The following LMBR1 variants were observed in gnomAD, a reference collection of about 807,000 sequenced individuals.
LMBR1 encodes limb development membrane protein 1.
LMBR1 carries 52 observed loss-of-function variants against 73.9 expected under a neutral mutation model. The ratio of observed to expected loss-of-function variants is 0.70; its 90% confidence interval spans 0.56 to 0.89. The LOEUF (loss-of-function observed/expected upper bound fraction) is 0.89. Ranked by LOEUF, LMBR1 falls within the 40% of genes least tolerant of loss-of-function variation. The pLI is 0.00. For synonymous variants in LMBR1, 215 were observed against 209.4 expected, an observed-to-expected ratio of 1.03 and a Z score of -0.23; for missense variants, 539 against 579.8, an observed-to-expected ratio of 0.93 and a Z score of 0.72.
At chr7:156,709,175 G>A (rs561854362) in intron 15 of LMBR1, among the ~76,000 whole-genome samples, 168 of 152,280 alleles carry the variant, frequency 1.1e-3, no homozygotes, top group Non-Finnish European at 1.9e-3. Flanking sequence ...TGGCCAACTT[G>A]GGGCAAGCTT....
intron 4 of LMBR1, among the ~76,000 whole-genome samples, chr7:156,825,542 C>T (rs1050561128): frequency 6.6e-6 from 1 of 151,994 alleles, no homozygotes; most frequent in Admixed American, 6.6e-5. Context: ...CAACTATGTA[C>T]TCACAAAAAT....
intron 1 of LMBR1, among the ~76,000 whole-genome samples, chr7:156,873,255 C>T (rs1036750187): frequency 1.3e-5 from 2 of 152,012 alleles, no homozygotes; most frequent in Admixed American, 1.3e-4. Context: ...CAGACCTTCG[C>T]GGTGAGTGTT....
intron 15 of LMBR1, among the ~76,000 whole-genome samples, chr7:156,714,565 A>G (rs1812788379): frequency 6.6e-6 from 1 of 152,248 alleles, no homozygotes; most frequent in South Asian, 2.1e-4. Flanking sequence ...TGTTACCTTA[A>G]GGAAACTGTA....
chr7:156,810,812 TG>T (rs1832960193), intron 4 of LMBR1, among the ~76,000 whole-genome samples: 1 of 152,010 alleles, frequency 6.6e-6, no homozygotes, highest in African/African-American at 2.4e-5. Context: ...TTGATTTTTT[TG>T]TTTTTTGTTT....
chr7:156,864,906 G>T (rs1798235689), intron 1 of LMBR1, among the ~76,000 whole-genome samples: 1 of 149,702 alleles, frequency 6.7e-6, no homozygotes. Flanking sequence ...TGAGGCAGGA[G>T]AACTGCTAGA....
chr7:156,786,056 C>T (rs532151614), intron 5 of LMBR1, among the ~76,000 whole-genome samples: 78 of 151,060 alleles, frequency 5.2e-4, no homozygotes, highest in African/African-American at 1.7e-3. Flanking sequence ...TAAATGGGAT[C>T]AAATCTATGG....
At chr7:156,883,516 G>A (rs1020404043) in intron 1 of LMBR1, among the ~76,000 whole-genome samples, 1 of 152,154 alleles carries the variant, frequency 6.6e-6, no homozygotes, top group East Asian at 1.9e-4. Context: ...GATATACAGG[G>A]ACAGCAGTGA....
intron 5 of LMBR1, among the ~76,000 whole-genome samples, chr7:156,791,832 A>G (rs1046054956): frequency 4.6e-5 from 7 of 152,310 alleles, no homozygotes; most frequent in Non-Finnish European, 1.0e-4. Context: ...TGCTTATGTT[A>G]CCTTTTATGC....
At chr7:156,707,664 G>A (rs1388756942) in intron 15 of LMBR1, among the ~76,000 whole-genome samples, 1 of 152,094 alleles carries the variant, frequency 6.6e-6, no homozygotes, top group East Asian at 1.9e-4. Flanking sequence ...GATAACTTCA[G>A]CATCCCTTCA....
intron 1 of LMBR1, among the ~76,000 whole-genome samples, chr7:156,875,947 C>T (rs75164814): frequency 2.5e-4 from 38 of 150,158 alleles, no homozygotes; most frequent in African/African-American, 6.1e-4. Context: ...ACCAATAGCA[C>T]GATGAATGGA....
intron 4 of LMBR1, among the ~76,000 whole-genome samples, chr7:156,805,576 TCTAA>T (rs1831892032): frequency 6.6e-6 from 1 of 152,228 alleles, no homozygotes; most frequent in African/African-American, 2.4e-5. Context: ...TGGTCAATCC[TCTAA>T]CTTTGTTATC....
At chr7:156,803,802 A>G (rs1831467924) in intron 4 of LMBR1, among the ~76,000 whole-genome samples, 2 of 152,028 alleles carry the variant, frequency 1.3e-5, no homozygotes, top group African/African-American at 4.8e-5. Flanking sequence ...ACCATGGAAT[A>G]CTATGCAGCC....
Position 156,725,801 on chromosome 7 carries a change from C to A in LMBR1, c.1030G>T (p.Gly344Cys), listed in dbSNP as rs866142641. 6.2e-7 allele frequency: 1 copy of A among 1,613,514 alleles called. No homozygotes were observed. Among genetic ancestry groups the A allele is most frequent in the Admixed American group, 1.7e-5 (1 of 59,932 alleles). Residue 344 changes from glycine to cysteine, a missense_variant, in exon 13 of 17, where the codon GGT (glycine) becomes TGT (cysteine). Physicochemically the swap from Gly to Cys is radical, Grantham distance 159. Transcript: ENST00000353442. Reference sequence around the variant, plus strand: ...ATTTCAAGCGCAGCTCCCACAAAACCAAACGTAGAAAGAGAGGCATTTCCT... The same window carrying A: ...ATTTCAAGCGCAGCTCCCACAAAACAAAACGTAGAAAGAGAGGCATTTCCT... ...GIGNASLSTFGFVGAALEIIL... is the reference protein window; with the variant it reads ...GIGNASLSTFCFVGAALEIIL...
At chr7:156,736,562 C>T (rs1307562619) in intron 9 of LMBR1, 3 of 456,926 alleles carry the variant, frequency 6.6e-6, no homozygotes, top group African/African-American at 2.0e-5. Context: ...GCTTGTTCTT[C>T]TGGCACTTGT....
chr7:156,831,223 G>A (rs1328123740), intron 3 of LMBR1, among the ~76,000 whole-genome samples: 6 of 150,630 alleles, frequency 4.0e-5, no homozygotes, highest in Middle Eastern at 3.5e-3. Context: ...AAAGCGCTAC[G>A]GTGGAGGAAA....
At chr7:156,712,625 A>G (rs866484414) in intron 15 of LMBR1, among the ~76,000 whole-genome samples, 3 of 152,232 alleles carry the variant, frequency 2.0e-5, no homozygotes, top group Non-Finnish European at 4.4e-5. Flanking sequence ...GCGCCAATCA[A>G]TGGACAACTG....
intron 15 of LMBR1, among the ~76,000 whole-genome samples, chr7:156,699,665 G>C (rs1423515132): frequency 6.6e-6 from 1 of 151,832 alleles, no homozygotes; most frequent in Non-Finnish European, 1.5e-5. Flanking sequence ...ATCTGACAAA[G>C]GGCTAATATC....
intron 12 of LMBR1, among the ~76,000 whole-genome samples, chr7:156,727,288 G>C (rs111869259): frequency 2.0e-5 from 3 of 152,040 alleles, no homozygotes; most frequent in Non-Finnish European, 4.4e-5. Flanking sequence ...CTCCTATGAC[G>C]TACAAGTCAT....
intron 1 of LMBR1, among the ~76,000 whole-genome samples, chr7:156,857,573 T>C (rs534854786): frequency 1.1e-4 from 16 of 152,358 alleles, no homozygotes; most frequent in Admixed American, 2.6e-4. Context: ...TAAGGGTACA[T>C]AGTTGAACTG....
Sources: allele counts gnomAD v4.1 joint callset (sites outside exome capture counted in the v4.1 genomes callset), GRCh38; gene constraint gnomAD v4.1.1; transcripts MANE v1.5; gene names NCBI Gene and HGNC (gene_info 2026-07-23, HGNC 2026-07-21).